The following ZNF318 variants were observed in gnomAD, a reference collection of about 807,000 sequenced individuals.
The protein encoded by ZNF318 is zinc finger protein 318.
In ZNF318, 51 loss-of-function variants were observed where a neutral mutation model predicts 124.2. The observed-to-expected ratio is 0.41, with a 90% CI of 0.33 to 0.52. The LOEUF is 0.52. ZNF318 is among the 20% of genes least tolerant of loss of function. The probability of loss-of-function intolerance (pLI) is 0.23; values close to 1 mark genes in which losing one functional copy is unlikely to be tolerated. For synonymous variants in ZNF318, 1,090 were observed against 1,040.7 expected, an observed-to-expected ratio of 1.05 and a Z score of -0.91; for missense variants, 2,815 against 2,811.2, an observed-to-expected ratio of 1.00 and a Z score of -0.03.
Position 43,369,315 on chromosome 6 carries a change from G to A in ZNF318, c.51C>T (p.Asp17=). The A allele has an allele frequency of 5.2e-6, 7 of 1,346,846 alleles. No individual in the cohort carries two copies. Among genetic ancestry groups the A allele is most frequent in the Non-Finnish European group, 6.7e-6 (7 of 1,042,040 alleles). 83.4% of individuals were successfully genotyped at this position (1,346,846 alleles called of 1,614,324 possible). Residue 17 remains aspartate (D), a synonymous_variant, in exon 1 of 10, where the codon GAC becomes GAT. Coordinates refer to ENST00000361428, the MANE Select transcript of ZNF318 (RefSeq NM_014345.3). ...RSSVSSHRPK[D]DGGGGPRSGR... ...CGCTGCGCGGGCCGCCCCCGCCGTC[G>A]TCTTTAGGCCGGTGGGAAGAGACGG... is the stretch of plus-strand genomic sequence containing the variant.
intron 6 of ZNF318, among the ~76,000 whole-genome samples, chr6:43,345,844 C>A (rs1388001468): frequency 2.0e-5 from 3 of 152,098 alleles, no homozygotes; most frequent in African/African-American, 7.2e-5. Context: ...GGGTGGCTCA[C>A]ATCTGTAATA....
At chr6:43,353,169 T>C (rs1779557247) in intron 4 of ZNF318, among the ~76,000 whole-genome samples, 1 of 152,186 alleles carries the variant, frequency 6.6e-6, no homozygotes, top group Non-Finnish European at 1.5e-5. Flanking sequence ...AGAGGAAGTG[T>C]ATGACCTCCA....
In ZNF318 at chr6:43,338,769, A is replaced by G; in HGVS notation, c.5229T>C (p.Ser1743=). The change falls in exon 10 of 10, where the codon TCT becomes TCC. Residue 1743 remains serine (S), a synonymous_variant. Transcript: ENST00000361428. ...PQLLDIQCKE[S]QKLVEIHLRE... ...TGAGGTGGATTTCTACCAACTTCTG[A>G]GATTCTTTGCACTGTATATCTAACA... 6.2e-7 allele frequency: 1 copy of G among 1,614,058 alleles called. No individual in the cohort carries two copies. Among genetic ancestry groups the G allele is most frequent in the East Asian group, 2.2e-5 (1 of 44,872 alleles).
At chr6:43,342,965 A>G in intron 6 of ZNF318, 86 bp from the exon 7 acceptor site, 1 of 1,112,708 alleles carries the variant, frequency 9.0e-7, no homozygotes, top group African/African-American at 1.6e-5. Context: ...CCATAATAAT[A>G]GAAATAGGGC....
rs1460324859 is a variant in ZNF318, at chr6:43,342,485, A to G, written c.3276+191T>C. ...CTCACTTACACTTGTCATGGTGTTT[A>G]GTTACAGCCAAGTCCCCTGGACTGA... On this transcript the variant is annotated intron_variant, in intron 7 of 9. Coordinates refer to ENST00000361428, the MANE Select transcript of ZNF318 (RefSeq NM_014345.3). 7.2e-5 allele frequency among the ~76,000 whole-genome samples: 11 copies of G among 152,236 alleles called. No individual in the cohort carries two copies. The East Asian group carries it at 1.9e-3, about 27-fold the overall frequency.
At chr6:43,366,920 C>G (rs889985896) in intron 1 of ZNF318, among the ~76,000 whole-genome samples, 1 of 152,010 alleles carries the variant, frequency 6.6e-6, no homozygotes, top group South Asian at 2.1e-4. Context: ...GGCACGATCT[C>G]GGCTCACTGC....
chr6:43,368,415 A>G (rs1779789467), intron 1 of ZNF318, among the ~76,000 whole-genome samples: 1 of 152,224 alleles, frequency 6.6e-6, no homozygotes, highest in Non-Finnish European at 1.5e-5. Flanking sequence ...ACTCGATAAG[A>G]GGTAGTGGCT....
In ZNF318 at chr6:43,354,960, T is replaced by C. The variant is rs1350032143; in HGVS notation, c.2374A>G (p.Arg792Gly). 1 of 1,609,844 alleles carries C rather than the reference T, an allele frequency of 6.2e-7. No individual in the cohort carries two copies. The highest frequency in any genetic ancestry group is 8.5e-7 in the Non-Finnish European group (1 of 1,177,798). ...GAGGCTGCATATGCCATGTAGTGCCTATAGGCATCAAAAGAGGCAGGGGGA... is the reference window on the plus strand; with the variant it reads ...GAGGCTGCATATGCCATGTAGTGCCCATAGGCATCAAAAGAGGCAGGGGGA... ...AIPPASFDAY[R>G]HYMAYAASRW... The change falls in exon 4 of 10, where the codon AGG becomes GGG. Residue 792 changes from arginine to glycine, a missense_variant. Physicochemically the swap from Arg to Gly is moderately radical, Grantham distance 125. Around this residue, in one of 4 missense-constraint regions of ZNF318, gnomAD observed 1,377 missense variants for 1,353.5 expected, o/e 1.02. Transcript: ENST00000361428.
chr6:43,356,003 T>C lies in ZNF318; in HGVS notation c.1331A>G (p.Lys444Arg). 1.2e-6 allele frequency: 2 copies of C among 1,614,190 alleles called. No individual in the cohort carries two copies. Among genetic ancestry groups the C allele is most frequent in the Non-Finnish European group, 1.7e-6 (2 of 1,180,036 alleles). ...TTGGTAGAGGTTGCCCTGAGGTTCC[T>C]TCAAGGCAGTCTCTACCATAGTCCC... The part of the protein sequence containing the change: ...NKGTMVETAL[K>R]EPQGNLYQWG... Residue 444 changes from lysine (K) to arginine (R), a missense_variant, in exon 4 of 10, where the codon AAG becomes AGG. Lys to Arg is a conservative substitution (Grantham distance 26). Around this residue, in one of 4 missense-constraint regions of ZNF318, gnomAD observed 1,377 missense variants for 1,353.5 expected, o/e 1.02. Coordinates refer to ENST00000361428, the MANE Select transcript of ZNF318 (RefSeq NM_014345.3).
intron 2 of ZNF318, 117 bp downstream of exon 2, chr6:43,365,175 T>C: frequency 1.8e-6 from 2 of 1,126,556 alleles, no homozygotes; most frequent in South Asian, 3.1e-5. Context: ...ACTGGACATG[T>C]GGCATAGGAA....
At chr6:43,351,419 C>G (rs574222206) in intron 5 of ZNF318, among the ~76,000 whole-genome samples, 2 of 152,156 alleles carry the variant, frequency 1.3e-5, no homozygotes, top group South Asian at 4.2e-4. Context: ...TTAGGAAATA[C>G]TTAAGTATTT....
chr6:43,357,509 G>C lies in ZNF318; in HGVS notation c.805C>G (p.Arg269Gly), dbSNP rs934222736. The C allele has an allele frequency of 6.2e-7, 1 of 1,614,042 alleles. No homozygotes were observed. The highest frequency in any genetic ancestry group is 2.2e-5 in the East Asian group (1 of 44,884). ...TCATAACGGGGTCTTTTGGCCTCCC[G>C]GCTCCTTTCTTCAGATCGTATGGAG... The part of the protein sequence containing the change: ...GYSIRSEERS[R>G]EAKRPRYDDT... The change falls in exon 3 of 10, where the codon CGG becomes GGG. Residue 269 changes from arginine to glycine, a missense_variant. Coordinates refer to ENST00000361428, the MANE Select transcript of ZNF318 (RefSeq NM_014345.3).
chr6:43,357,827 C>A (rs1779630843), intron 2 of ZNF318, 62 bp from the exon 3 acceptor site: 1 of 1,449,830 alleles, frequency 6.9e-7, no homozygotes, highest in South Asian at 1.3e-5. Flanking sequence ...GCAGACAAGG[C>A]TAAGAGACTG....
chr6:43,363,836 T>A, intron 2 of ZNF318: 3 of 929,190 alleles, frequency 3.2e-6, no homozygotes, highest in Non-Finnish European at 3.4e-6. Context: ...GGTCTGGGTG[T>A]TAAGTGCTCC....
Position 43,338,104 on chromosome 6 carries a change from CTCT to C in ZNF318, c.5891_5893del (p.Lys1964del). 1.9e-6 allele frequency: 3 copies of C among 1,613,498 alleles called. No individual in the cohort carries two copies. The highest frequency in any genetic ancestry group is 2.5e-6 in the Non-Finnish European group (3 of 1,179,858). Reference sequence around the variant, plus strand: ...CTCTGGGCTCTCCCAGGTCTCTGGCCTCTTCTTGTTTTCATCCCAAACAGCCAA... The same window carrying C: ...CTCTGGGCTCTCCCAGGTCTCTGGCCTCTTGTTTTCATCCCAAACAGCCAA... On this transcript the variant is annotated inframe_deletion, in exon 10 of 10. Transcript: ENST00000361428.
rs750653089 is a variant in ZNF318, at chr6:43,339,550, G to T, written c.4448C>A (p.Ser1483Tyr). 1.2e-6 allele frequency: 2 copies of T among 1,607,446 alleles called. No individual in the cohort carries two copies. The highest frequency in any genetic ancestry group is 3.4e-5 in the Admixed American group (2 of 59,466). The change falls in exon 10 of 10, where the codon TCT (serine) becomes TAT (tyrosine). Residue 1483 changes from serine to tyrosine, a missense_variant. Ser to Tyr is a moderately radical substitution (Grantham distance 144). Around this residue, in one of 4 missense-constraint regions of ZNF318, gnomAD observed 500 missense variants for 605.2 expected, o/e 0.83. Coordinates refer to ENST00000361428, the MANE Select transcript of ZNF318 (RefSeq NM_014345.3). The surrounding 1 kb of genome is among the most constrained non-coding windows in gnomAD (Gnocchi z 4.2). ...CACGAAGCCAGGGCTGAGAGTCTGA[G>T]ATACAACTGGGTTTGATTTTACTGG... The part of the protein sequence containing the change: ...LAPVKSNPVV[S>Y]QTLSPGFVGP...
At chr6:43,354,193 CAA>C (rs1474805293) in intron 4 of ZNF318, among the ~76,000 whole-genome samples, 7 of 152,112 alleles carry the variant, frequency 4.6e-5, no homozygotes, top group African/African-American at 1.7e-4. Context: ...CCAGAACAAG[CAA>C]AGTTTATTTC....
intron 8 of ZNF318, among the ~76,000 whole-genome samples, chr6:43,341,879 T>A (rs1010242410): frequency 1.3e-5 from 2 of 152,226 alleles, no homozygotes; most frequent in Non-Finnish European, 2.9e-5. Context: ...GACATGTCTA[T>A]GTTTAACATC....
rs770308405 is a variant in ZNF318, at chr6:43,369,023, G to A, written c.343C>T (p.Arg115Cys). ...CGGCCGTCCCGGGCATAGTCGGCGC[G>A]GGACTCCCCCCGGCTGCTGCCTCTG... is the stretch of plus-strand genomic sequence containing the variant. ...GFRGSSRGES[R>C]ADYARDGRGD... The change falls in exon 1 of 10, where the codon CGC (arginine) becomes TGC (cysteine). Residue 115 changes from arginine to cysteine, a missense_variant. Arg to Cys is a radical substitution (Grantham distance 180, BLOSUM62 -3). Around this residue, in one of 4 missense-constraint regions of ZNF318, gnomAD observed 1,377 missense variants for 1,353.5 expected, o/e 1.02. Transcript: ENST00000361428. 4 of 1,434,996 alleles carry A rather than the reference G, an allele frequency of 2.8e-6. No individual in the cohort carries two copies. Among genetic ancestry groups the A allele is most frequent in the Non-Finnish European group, 3.7e-6 (4 of 1,092,568 alleles). 88.9% of individuals were successfully genotyped at this position (1,434,996 alleles called of 1,614,324 possible).
Sources: gnomAD v4.1 joint callset for allele counts (sites outside exome capture counted in the v4.1 genomes callset) on GRCh38, gnomAD v4.1.1 for gene constraint, gnomAD v4.1.1 regional missense constraint, Gnocchi (gnomAD v3.1) non-coding constraint, MANE v1.5 for transcripts, NCBI Gene and HGNC (gene_info 2026-07-23, HGNC 2026-07-21) for gene names.